NUP160: variants seen among roughly 807,000 people sequenced by gnomAD.
NUP160 encodes the protein nuclear pore complex protein Nup160.
In NUP160, 94 loss-of-function variants were observed where a neutral mutation model predicts 196.9. That is an observed-to-expected ratio of 0.48 (90% CI 0.40 to 0.57). The LOEUF is 0.57. Ranked by LOEUF, NUP160 falls within the 20% of genes least tolerant of loss-of-function variation. NUP160 has a pLI of 0.00. For missense variants in NUP160, 1,638 were observed against 1,748.3 expected (o/e 0.94, Z 1.13); for synonymous variants, 605 against 619.7 (o/e 0.98, Z 0.35).
intron 27 of NUP160, among the ~76,000 whole-genome samples, chr11:47,794,267 G>C (rs1329788312): frequency 2.6e-5 from 4 of 152,290 alleles, no homozygotes; most frequent in South Asian, 2.1e-4. Flanking sequence ...GCCAAGACGG[G>C]CGGATCATGA....
intron 17 of NUP160, among the ~76,000 whole-genome samples, chr11:47,810,913 G>A (rs533087769): frequency 1.3e-5 from 2 of 152,078 alleles, no homozygotes; most frequent in African/African-American, 4.8e-5. Flanking sequence ...ATTAAAATGG[G>A]AGCCCCAAAG....
rs2097681008 is a variant in NUP160, at chr11:47,811,402, A to C, written c.2241+662T>G. Among the ~76,000 whole-genome samples, 3 of 151,756 alleles carry C rather than the reference A, an allele frequency of 2.0e-5. 1 individual carries two copies. The highest frequency in any genetic ancestry group is 4.2e-4 in the South Asian group (2 of 4,812). On this transcript the variant is annotated intron_variant, in intron 17 of 35. Coordinates refer to ENST00000378460, the Ensembl canonical transcript of NUP160. ...CACGCACCTGTAATCCCAGCTACTCAGGAGGCTGAGGCAGGAGAATTGCTT... is the reference window on the plus strand; with the variant it reads ...CACGCACCTGTAATCCCAGCTACTCCGGAGGCTGAGGCAGGAGAATTGCTT...
intron 4 of NUP160, 99 bp from the exon 5 acceptor site, chr11:47,837,722 T>G: frequency 1.2e-6 from 1 of 821,986 alleles, no homozygotes. Context: ...GGCAACAGAC[T>G]TCCGTATTTC....
At chr11:47,813,168 T>C (rs1565198404) in intron 14 of NUP160, 121 bp from the exon 15 acceptor site, 1 of 974,594 alleles carries the variant, frequency 1.0e-6, no homozygotes, top group Non-Finnish European at 1.5e-6. Flanking sequence ...AGAGATGCTT[T>C]GGTCTCTTAA....
At chr11:47,803,490 G>A in exon 22 of NUP160, 2 of 1,612,492 alleles carry the variant, frequency 1.2e-6, no homozygotes, top group Non-Finnish European at 1.7e-6. Flanking sequence ...AAATCGACAG[G>A]AACCAACATT....
chr11:47,847,659 AG>A (rs1852426152), intron 2 of NUP160, among the ~76,000 whole-genome samples, 188 bp downstream of exon 2: 1 of 70,194 alleles, frequency 1.4e-5, no homozygotes, highest in African/African-American at 6.1e-5. Flanking sequence ...GGGGGGGGGG[AG>A]GGGGAGAGGT....
chr11:47,806,377 C>CT, intron 19 of NUP160, 65 bp from the exon 20 acceptor site: 1 of 1,279,700 alleles, frequency 7.8e-7, no homozygotes, highest in Non-Finnish European at 1.1e-6. Context: ...TTAAAATAGT[C>CT]TATCAATTCA....
At position 47,786,422 on chromosome 11, in the gene NUP160, A is replaced by T. The variant is rs778791275; in HGVS notation, c.3848+31T>A. The stretch of plus-strand genomic sequence containing the variant: ...ACAGTTACAGCTTTTAGAAAGGCAA[A>T]ACTACCCAGGGTTGAACACCAGGGT... On this transcript the variant is annotated intron_variant, in intron 32 of 35. Transcript: ENST00000378460. 15 of 1,416,158 alleles carry T rather than the reference A, an allele frequency of 1.1e-5. No homozygotes were observed. The African/African-American group carries it at 2.0e-4, about 19-fold the overall frequency. The allele number at this position is 1,416,158 out of a possible 1,614,324, so 87.7% of individuals were successfully genotyped here.
chr11:47,790,408 C>T (rs777230603), intron 29 of NUP160, among the ~76,000 whole-genome samples: 8 of 152,128 alleles, frequency 5.3e-5, no homozygotes, highest in East Asian at 1.9e-4. Flanking sequence ...TACAGCCACC[C>T]GCCACCACAC....
intron 3 of NUP160, 77 bp from the exon 4 acceptor site, chr11:47,840,142 AAAGTTTTTAAAGTAAAAAACTGTC>A (rs1417717723): frequency 9.3e-6 from 10 of 1,074,726 alleles, no homozygotes; most frequent in Non-Finnish European, 1.4e-5. Flanking sequence ...TATTGCTAAA[AAAGTTTTTAAAGTAAAAAACTGTC>A]AAGTTTAAGA....
Position 47,847,831 on chromosome 11 carries a change from C to T in NUP160, c.314+17G>A. Reference sequence around the variant, plus strand: ...AACCCTACCTTCCAGGGGAGTTTGGCGAACCACAACACTTACCAATGAATG... The same window carrying T: ...AACCCTACCTTCCAGGGGAGTTTGGTGAACCACAACACTTACCAATGAATG... On this transcript the variant is annotated intron_variant, in intron 2 of 35. Transcript: ENST00000378460. 1.9e-6 allele frequency: 3 copies of T among 1,578,868 alleles called. No homozygotes were observed. The highest frequency in any genetic ancestry group is 1.1e-5 in the South Asian group (1 of 90,418).
intron 7 of NUP160, among the ~76,000 whole-genome samples, chr11:47,834,368 G>C (rs1436673494): frequency 6.6e-6 from 1 of 152,184 alleles, no homozygotes. Context: ...CCTACATGCA[G>C]AGAAGAGTAT....
At chr11:47,819,348 T>C (rs757348695) in intron 10 of NUP160, 26 bp downstream of exon 10, 21 of 1,448,622 alleles carry the variant, frequency 1.4e-5, no homozygotes, top group Non-Finnish European at 2.0e-5. Context: ...ATCATTCCCT[T>C]ATATAACATT....
chr11:47,788,433 C>A (rs1435238285), intron 30 of NUP160, 68 bp downstream of exon 30: 2 of 1,535,760 alleles, frequency 1.3e-6, no homozygotes, highest in Non-Finnish European at 1.8e-6. Flanking sequence ...ATGCTACATA[C>A]ACTGCCTGGA....
At chr11:47,807,586 G>A (rs924244641) in intron 18 of NUP160, among the ~76,000 whole-genome samples, 1 of 151,990 alleles carries the variant, frequency 6.6e-6, no homozygotes. Flanking sequence ...AATATTGTTT[G>A]AATCAGGGAG....
intron 27 of NUP160, chr11:47,796,174 G>T: frequency 4.2e-6 from 1 of 239,958 alleles, no homozygotes; most frequent in Non-Finnish European, 7.4e-6. Context: ...AAAAAAAAAA[G>T]GAGCAGCTGC....
intron 4 of NUP160, among the ~76,000 whole-genome samples, 178 bp from the exon 5 acceptor site, chr11:47,837,801 T>G (rs1467124275): frequency 6.6e-6 from 1 of 152,228 alleles, no homozygotes; most frequent in East Asian, 1.9e-4. Flanking sequence ...GAATCATTAT[T>G]AGATCCATAA....
At chr11:47,804,807 T>C (rs2097676524) in intron 20 of NUP160, among the ~76,000 whole-genome samples, 189 bp from the exon 21 acceptor site, 1 of 152,120 alleles carries the variant, frequency 6.6e-6, no homozygotes, top group African/African-American at 2.4e-5. Context: ...CCAGGAGACT[T>C]GTTATAGTGC....
intron 9 of NUP160, 112 bp downstream of exon 9, chr11:47,821,612 G>A (rs982642913): frequency 9.5e-6 from 7 of 733,448 alleles, no homozygotes; most frequent in Middle Eastern, 2.4e-4. Context: ...TGCCTGCCTC[G>A]GCCTCTCAAA....
Sources: allele counts gnomAD v4.1 joint callset (sites outside exome capture counted in the v4.1 genomes callset), GRCh38; gene constraint gnomAD v4.1.1; transcripts MANE v1.5; gene names NCBI Gene and HGNC (gene_info 2026-07-23, HGNC 2026-07-21).